Variants in REXO4 observed in about 807,000 individuals in gnomAD.
The protein encoded by REXO4 is REX4 homolog, 3'-5' exonuclease.
A neutral mutation model predicts 39.9 loss-of-function variants in REXO4; 29 were observed. The ratio of observed to expected loss-of-function variants is 0.73; its 90% confidence interval spans 0.54 to 0.99. The LOEUF is 0.99. Among genes scored for constraint, REXO4 ranks in the 50% least tolerant of loss-of-function variants. The pLI, the probability that REXO4 is intolerant of heterozygous loss-of-function variation, is 0.00. For missense variants in REXO4, 524 were observed against 546.5 expected, an observed-to-expected ratio of 0.96 and a Z score of 0.41; for synonymous variants, 184 against 206.2, an observed-to-expected ratio of 0.89 and a Z score of 0.92.
chr9:133,412,214 T>C (rs1284980820), intron 4 of REXO4, 85 bp downstream of exon 4: 5 of 1,381,556 alleles, frequency 3.6e-6, no homozygotes, highest in Non-Finnish European at 5.1e-6. Context: ...CAGTGAGTGG[T>C]CTCAGACAGA....
chr9:133,411,935 AT>A (rs1839236606), intron 4 of REXO4, among the ~76,000 whole-genome samples: 1 of 152,136 alleles, frequency 6.6e-6, no homozygotes, highest in African/African-American at 2.4e-5. Context: ...TCAAAAAAAA[AT>A]AATAATTTTT....
intron 7 of REXO4, among the ~76,000 whole-genome samples, 175 bp from the exon 8 acceptor site, chr9:133,407,247 G>T (rs1239834098): frequency 6.6e-6 from 1 of 152,156 alleles, no homozygotes; most frequent in Non-Finnish European, 1.5e-5. Flanking sequence ...GAAGCAGAGG[G>T]AGCAACGACC....
chr9:133,413,046 C>G, intron 2 of REXO4, 125 bp from the exon 3 acceptor site: 1 of 1,005,662 alleles, frequency 9.9e-7, no homozygotes, highest in South Asian at 1.6e-5. Context: ...ACAGGCTGGC[C>G]CCAGACACCC....
At chr9:133,415,131 C>A in intron 1 of REXO4, 120 bp from the exon 2 acceptor site, 1 of 747,452 alleles carries the variant, frequency 1.3e-6, no homozygotes. Flanking sequence ...TATACAATTC[C>A]CATCCGCATC....
Position 133,406,660 on chromosome 9 carries a change from C to T in REXO4, c.*293G>A, listed in dbSNP as rs893787872. 9.0e-6 allele frequency: 4 copies of T among 442,240 alleles called. No individual in the cohort carries two copies. The highest frequency in any genetic ancestry group is 1.3e-5 in the Non-Finnish European group (3 of 237,848). 27.4% of individuals were successfully genotyped at this position (442,240 alleles called of 1,614,324 possible). ...TGGACTGGCGGCCCACAGGCCCCAA[C>T]CTCACCTGGCCCAGGGGGTCAGCAG... On this transcript the variant is annotated 3_prime_UTR_variant, in exon 8 of 8. Coordinates refer to ENST00000371942, the MANE Select transcript of REXO4 (RefSeq NM_020385.4).
chr9:133,416,516 CA>C (rs887972638), intron 1 of REXO4, among the ~76,000 whole-genome samples: 1 of 152,108 alleles, frequency 6.6e-6, no homozygotes, highest in African/African-American at 2.4e-5. Context: ...GAGGCTGAGG[CA>C]GGAGAATCAC....
At chr9:133,415,424 T>C (rs78982372) in intron 1 of REXO4, among the ~76,000 whole-genome samples, 1 of 152,120 alleles carries the variant, frequency 6.6e-6, no homozygotes, top group Non-Finnish European at 1.5e-5. Context: ...TTTTTTTTTT[T>C]ACAAGATTCC....
chr9:133,408,894 C>T, intron 5 of REXO4, 52 bp from the exon 6 acceptor site: 1 of 1,111,764 alleles, frequency 9.0e-7, no homozygotes, highest in Non-Finnish European at 1.3e-6. Context: ...TTTGTAGTAG[C>T]AGAACCCCCT....
intron 5 of REXO4, among the ~76,000 whole-genome samples, chr9:133,409,359 G>C: frequency 6.6e-6 from 1 of 152,158 alleles, no homozygotes; most frequent in East Asian, 1.9e-4. Flanking sequence ...GAAATTTATT[G>C]CACTGACTTA....
Position 133,406,798 on chromosome 9 carries a change from G to A in REXO4, c.*155C>T. 4.5e-6 allele frequency: 5 copies of A among 1,100,490 alleles called. No homozygotes were observed. The South Asian group carries it at 5.8e-5, about 13-fold the overall frequency. The allele number at this position is 1,100,490 out of a possible 1,614,324, so 68.2% of individuals were successfully genotyped here. On this transcript the variant is annotated 3_prime_UTR_variant, in exon 8 of 8. Coordinates refer to ENST00000371942, the MANE Select transcript of REXO4 (RefSeq NM_020385.4). ...AGGTTTCAGACCACAAAGTCAAGAGGAAGGAGGACCTTCTCAGTAGCACCA... is the reference window on the plus strand; with the variant it reads ...AGGTTTCAGACCACAAAGTCAAGAGAAAGGAGGACCTTCTCAGTAGCACCA...
chr9:133,411,004 G>T lies in REXO4; in HGVS notation c.980C>A (p.Ala327Asp). The T allele has an allele frequency of 6.2e-7, 1 of 1,614,054 alleles. No individual in the cohort carries two copies. Reference sequence around the variant, plus strand: ...CAGTACCTTTAGGTCATTATGCAGAGCGTGCCCCACTAGAATTCTGCCCTT... The same window carrying T: ...CAGTACCTTTAGGTCATTATGCAGATCGTGCCCCACTAGAATTCTGCCCTT... Reference protein sequence around the residue: ...MLKGRILVGHALHNDLKVLFL... With the variant: ...MLKGRILVGHDLHNDLKVLFL... Residue 327 changes from alanine (A) to aspartate (D), a missense_variant, in exon 5 of 8, where the codon GCT becomes GAT. Coordinates refer to ENST00000371942, the MANE Select transcript of REXO4 (RefSeq NM_020385.4).
chr9:133,414,633 C>T (rs376023502), intron 2 of REXO4, 32 bp downstream of exon 2: 56 of 1,601,770 alleles, frequency 3.5e-5, no homozygotes, highest in South Asian at 1.2e-4. Flanking sequence ...CGCTGTGCCT[C>T]GGTTCTCAGT....
Position 133,412,817 on chromosome 9 carries a change from CT to C in REXO4, c.676del (p.Ser226AlafsTer7). 6.2e-7 allele frequency: 1 copy of C among 1,613,852 alleles called. No homozygotes were observed. Among genetic ancestry groups the C allele is most frequent in the South Asian group, 1.1e-5 (1 of 91,080 alleles). ...CTCTTTCACGAGGCTGAGGCTGACGCTGCCCTCGCTCTGACCCAACTGTTTC... is the reference window on the plus strand; with the variant it reads ...CTCTTTCACGAGGCTGAGGCTGACGCGCCCTCGCTCTGACCCAACTGTTTC... ...ARKQLGQSEGSVSLSLVKEQA... is the reference protein window; with the variant it reads ...ARKQLGQSEGXVSLSLVKEQA... On this transcript the variant is annotated frameshift_variant, in exon 3 of 8. Coordinates refer to ENST00000371942, the MANE Select transcript of REXO4 (RefSeq NM_020385.4). LOFTEE classifies it high-confidence loss of function.
rs782094396 is a variant in REXO4 at position 133,414,853 on chromosome 9, G to C, written c.384C>G (p.Ser128Arg). 1 of 1,614,166 alleles carries C rather than the reference G, an allele frequency of 6.2e-7. No homozygotes were observed. Among genetic ancestry groups the C allele is most frequent in the South Asian group, 1.1e-5 (1 of 91,082 alleles). ...EMPAGKDQEASRGSVPSGSKM... is the reference protein window; with the variant it reads ...EMPAGKDQEARRGSVPSGSKM... ...TGGAACCTGAAGGAACAGAGCCCCT[G>C]CTGGCCTCCTGGTCTTTTCCTGCCG... The change falls in exon 2 of 8, where the codon AGC becomes AGG. Residue 128 changes from serine (S) to arginine (R), a missense_variant. Coordinates refer to ENST00000371942, the MANE Select transcript of REXO4 (RefSeq NM_020385.4).
intron 3 of REXO4, 30 bp from the exon 4 acceptor site, chr9:133,412,522 T>TA: frequency 6.2e-7 from 1 of 1,610,880 alleles, no homozygotes; most frequent in Non-Finnish European, 8.5e-7. Context: ...TGTAGTTTAA[T>TA]AAACACGGCA....
chr9:133,417,900 G>C lies in REXO4; in HGVS notation c.-56C>G. 6.6e-7 allele frequency: 1 copy of C among 1,524,718 alleles called. No homozygotes were observed. The highest frequency in any genetic ancestry group is 2.4e-4 in the Middle Eastern group (1 of 4,250). The allele number at this position is 1,524,718 out of a possible 1,614,324, so 94.4% of individuals were successfully genotyped here. A position where few individuals can be genotyped will look rare whatever the true frequency, so the allele number is the denominator to read the frequency against. On this transcript the variant is annotated 5_prime_UTR_variant, in exon 1 of 8. Coordinates refer to ENST00000371942, the MANE Select transcript of REXO4 (RefSeq NM_020385.4). ...CCACCCGAGACCCCGGCCTCCCCGGGCCCGGCGCCCTGGCAGCACAAGCGC... is the reference window on the plus strand; with the variant it reads ...CCACCCGAGACCCCGGCCTCCCCGGCCCCGGCGCCCTGGCAGCACAAGCGC...
chr9:133,417,686 G>A lies in REXO4; in HGVS notation c.159C>T (p.Pro53=), dbSNP rs1554781958. 1 of 1,614,082 alleles carries A rather than the reference G, an allele frequency of 6.2e-7. No individual in the cohort carries two copies. The highest frequency in any genetic ancestry group is 8.5e-7 in the Non-Finnish European group (1 of 1,179,974). The stretch of plus-strand genomic sequence containing the variant: ...CCTTTGGAGGTCGCACCACAGCACC[G>A]GGGCCGCTTGCTGGCTTCTTGCTTA... ...REVSKKPASG[P]GAVVRPPKAP... The change falls in exon 1 of 8, where the codon CCC becomes CCT. Residue 53 remains proline (P), a synonymous_variant. Coordinates refer to ENST00000371942, the MANE Select transcript of REXO4 (RefSeq NM_020385.4).
intron 1 of REXO4, 114 bp downstream of exon 1, chr9:133,417,506 T>C: frequency 9.0e-7 from 1 of 1,111,688 alleles, no homozygotes. Flanking sequence ...GTTTACAAGA[T>C]TTCGATTCAA....
rs782263987 is a variant in REXO4 at position 133,414,811 on chromosome 9, C to T, written c.426G>A (p.Ala142=). ...CACTGGCCTTGGTGCGAGGTACTGG[C>T]GCCCTCCTGTCCATCTTGGAACCTG... ...VPSGSKMDRR[A]PVPRTKASGT... Residue 142 remains alanine (A), a synonymous_variant, in exon 2 of 8, where the codon GCG becomes GCA. Coordinates refer to ENST00000371942, the MANE Select transcript of REXO4 (RefSeq NM_020385.4). The T allele has an allele frequency of 9.3e-6, 15 of 1,614,062 alleles. No homozygotes were observed. Among genetic ancestry groups the T allele is most frequent in the Admixed American group, 1.7e-5 (1 of 60,004 alleles).
Sources: allele counts gnomAD v4.1 joint callset (sites outside exome capture counted in the v4.1 genomes callset), GRCh38; gene constraint gnomAD v4.1.1; transcripts MANE v1.5; gene names NCBI Gene and HGNC (gene_info 2026-07-23, HGNC 2026-07-21).